The following PVT1 variants were observed in gnomAD, a reference collection of about 807,000 sequenced individuals.
The protein encoded by PVT1 is CXCR4/PVT1 fusion.
intron 3 of PVT1, among the ~76,000 whole-genome samples, chr8:127,933,623 G>A (rs1816238266): frequency 6.6e-6 from 1 of 152,198 alleles, no homozygotes; most frequent in South Asian, 2.1e-4. Context: ...GCTGGAAGGG[G>A]CAAGATGAAG....
intron 2 of PVT1, among the ~76,000 whole-genome samples, chr8:127,867,627 T>C (rs529709166): frequency 6.6e-6 from 1 of 152,326 alleles, no homozygotes; most frequent in African/African-American, 2.4e-5. Context: ...CTGGCCTTGA[T>C]TGAAGGTAAA....
At chr8:127,827,804 G>T (rs532713232) in intron 2 of PVT1, among the ~76,000 whole-genome samples, 5 of 152,236 alleles carry the variant, frequency 3.3e-5, no homozygotes, top group Non-Finnish European at 7.4e-5. Context: ...TTCAGCAGGG[G>T]CAGGGGTGGA....
At chr8:127,799,391 T>G (rs1814436501) in intron 2 of PVT1, among the ~76,000 whole-genome samples, 1 of 152,152 alleles carries the variant, frequency 6.6e-6, no homozygotes, top group African/African-American at 2.4e-5. Flanking sequence ...AGACTCTGTC[T>G]CTGTAAAAAA....
At chr8:127,959,445 C>T (rs1816611334) in intron 3 of PVT1, among the ~76,000 whole-genome samples, 1 of 152,126 alleles carries the variant, frequency 6.6e-6, no homozygotes, top group Non-Finnish European at 1.5e-5. Flanking sequence ...ATTAGCTGCA[C>T]GTGGTGGCAC....
rs567967455 is a variant in PVT1 at position 127,844,903 on chromosome 8, C to T, written n.373-45686C>T. Among the ~76,000 whole-genome samples, 17 of 152,080 alleles carry T rather than the reference C, an allele frequency of 1.1e-4. No homozygotes were observed. In the East Asian group the frequency reaches 1.2e-3, roughly 10 times the overall value. ...TAATTTTCTGTATTTTTAGTAGAGA[C>T]GGGGTTTCACTGTGTTAGCCAGGAT... On this transcript the variant is annotated intron_variant and non_coding_transcript_variant, in intron 2 of 10. Coordinates refer to ENST00000651587, the Ensembl canonical transcript of PVT1.
chr8:127,877,685 A>G (rs1028743284), intron 2 of PVT1, among the ~76,000 whole-genome samples: 6 of 152,212 alleles, frequency 3.9e-5, no homozygotes, highest in Non-Finnish European at 7.3e-5. Flanking sequence ...AGGGACCAGT[A>G]TAAACTCTTG....
intron 3 of PVT1, among the ~76,000 whole-genome samples, chr8:127,949,235 G>T: frequency 6.6e-6 from 1 of 152,098 alleles, no homozygotes; most frequent in East Asian, 1.9e-4. Flanking sequence ...TCACTATGCC[G>T]TCCCAGCTGT....
intron 3 of PVT1, among the ~76,000 whole-genome samples, chr8:127,906,861 C>T (rs943780636): frequency 6.6e-6 from 1 of 152,010 alleles, no homozygotes; most frequent in African/African-American, 2.4e-5. Context: ...ATATCACCTT[C>T]ATTTTACAGA....
chr8:127,967,073 C>G (rs1816710902), intron 3 of PVT1, among the ~76,000 whole-genome samples: 1 of 152,172 alleles, frequency 6.6e-6, no homozygotes, highest in Admixed American at 6.5e-5. Context: ...GGTGGCACAC[C>G]TGACAACGCC....
At chr8:127,999,999 T>C (rs901906825) in intron 4 of PVT1, among the ~76,000 whole-genome samples, 3 of 152,238 alleles carry the variant, frequency 2.0e-5, no homozygotes, top group African/African-American at 7.2e-5. Context: ...CTCTGTGTTA[T>C]GCTCACAGGC....
intron 2 of PVT1, among the ~76,000 whole-genome samples, chr8:127,867,159 A>G (rs2129761842): frequency 6.6e-6 from 1 of 152,346 alleles, no homozygotes; most frequent in East Asian, 1.9e-4. Flanking sequence ...CTTGCCCAGA[A>G]TGCTAGGAAT....
Position 127,924,668 on chromosome 8 carries a change from C to T in PVT1, n.782+33670C>T, listed in dbSNP as rs571631323. ...CTGGGACTACAGGCGCCCACCACCA[C>T]GCCCGACTAATTTTTTGTATTTTTA... On this transcript the variant is annotated intron_variant and non_coding_transcript_variant, in intron 3 of 10. Coordinates refer to ENST00000651587, the Ensembl canonical transcript of PVT1. Among the ~76,000 whole-genome samples the T allele has an allele frequency of 6.8e-4, 104 of 152,168 alleles. No homozygotes were observed. The South Asian group carries it at 0.01, about 15-fold the overall frequency.
At chr8:127,919,655 C>G (rs539039173) in intron 3 of PVT1, among the ~76,000 whole-genome samples, 1 of 152,200 alleles carries the variant, frequency 6.6e-6, no homozygotes, top group Admixed American at 6.5e-5. Flanking sequence ...CTGACCTTCC[C>G]TCTGCCTGGA....
At chr8:127,990,095 T>C (rs1212959648) in intron 4 of PVT1, among the ~76,000 whole-genome samples, 2 of 152,228 alleles carry the variant, frequency 1.3e-5, no homozygotes, top group Admixed American at 1.3e-4. Context: ...AGTCTTTCAT[T>C]TGCTGTCCCC....
intron 5 of PVT1, among the ~76,000 whole-genome samples, chr8:128,084,807 A>G (rs1814236806): frequency 6.6e-6 from 1 of 152,244 alleles, no homozygotes; most frequent in East Asian, 1.9e-4. Context: ...TGAGGTTCCA[A>G]AGTGAATACA....
At chr8:127,900,307 C>G (rs1411704413) in intron 3 of PVT1, among the ~76,000 whole-genome samples, 2 of 151,928 alleles carry the variant, frequency 1.3e-5, no homozygotes, top group Non-Finnish European at 2.9e-5. Flanking sequence ...TCCCAAAGTG[C>G]TGGGATTACA....
chr8:127,866,944 A>G (rs748347428), intron 2 of PVT1, among the ~76,000 whole-genome samples: 1 of 152,144 alleles, frequency 6.6e-6, no homozygotes, highest in African/African-American at 2.4e-5. Context: ...CACTAATGCT[A>G]TGTGTGTTTG....
intron 3 of PVT1, among the ~76,000 whole-genome samples, chr8:127,982,483 AC>A (rs1161166807): frequency 6.6e-6 from 1 of 152,064 alleles, no homozygotes; most frequent in Non-Finnish European, 1.5e-5. Context: ...CTCACAGGTA[AC>A]TTTGTCAATT....
At chr8:127,838,499 G>T (rs559352072) in intron 2 of PVT1, among the ~76,000 whole-genome samples, 1 of 152,240 alleles carries the variant, frequency 6.6e-6, no homozygotes, top group East Asian at 1.9e-4. Context: ...GAGGTCAGGA[G>T]TTCAAGACCA....
Sources: gnomAD v4.1 joint callset for allele counts (sites outside exome capture counted in the v4.1 genomes callset) on GRCh38, gnomAD v4.1.1 for gene constraint, MANE v1.5 for transcripts, NCBI Gene and HGNC (gene_info 2026-07-23, HGNC 2026-07-21) for gene names.